The following ADAMTS2 variants were observed in gnomAD, a reference collection of about 807,000 sequenced individuals.
ADAMTS2 encodes the protein ADAM metallopeptidase with thrombospondin type 1 motif 2.
A neutral mutation model predicts 123.0 loss-of-function variants in ADAMTS2; 50 were observed. That is an observed-to-expected ratio of 0.41 (90% confidence interval 0.32 to 0.51). The LOEUF is 0.51. Ranked by LOEUF, ADAMTS2 falls within the 20% of genes least tolerant of loss-of-function variation. ADAMTS2 has a pLI of 0.35. For missense variants in ADAMTS2, 1,494 were observed against 1,705.2 expected (o/e 0.88, Z 2.18); for synonymous variants, 678 against 695.4 (o/e 0.98, Z 0.39).
In ADAMTS2 at chr5:179,128,189, G is replaced by A. The variant is rs73806908; in HGVS notation, c.2458-71C>T. ...CTTCCTCCCCAGCCAGCTTAGGAAC[G>A]GCAGCTGAGGCCGACTCCAGAGGAG... is the stretch of plus-strand genomic sequence containing the variant. On this transcript the variant is annotated intron_variant, in intron 16 of 21. Transcript: ENST00000251582. This position sits in a 1 kb window ranked among gnomAD's most constrained non-coding sequence, Gnocchi z 4.9. The A allele has an allele frequency of 1.3e-5, 21 of 1,582,292 alleles. No homozygotes were observed. Among genetic ancestry groups the A allele is most frequent in the South Asian group, 6.7e-5 (6 of 89,744 alleles).
rs1328441538 is a variant in ADAMTS2, at chr5:179,158,513, A to G, written c.1132+210T>C. ...GTGACACATTAGCGTCCCTATACAC[A>G]TAGGTCCAATTCAGGACACTGGATT... is the stretch of plus-strand genomic sequence containing the variant. On this transcript the variant is annotated intron_variant, in intron 6 of 21. Coordinates refer to ENST00000251582, the MANE Select transcript of ADAMTS2 (RefSeq NM_014244.5). The surrounding 1 kb of genome is among the most constrained non-coding windows in gnomAD (Gnocchi z 5.0). Among the ~76,000 whole-genome samples the G allele has an allele frequency of 6.6e-6, 1 of 152,136 alleles. No homozygotes were observed. Among genetic ancestry groups the G allele is most frequent in the East Asian group, 1.9e-4 (1 of 5,180 alleles).
intron 2 of ADAMTS2, among the ~76,000 whole-genome samples, chr5:179,304,920 C>T (rs1961716): frequency 0.8 from 121,524 of 152,056 alleles, 48,772 homozygotes; most frequent in Middle Eastern, 0.85. Context: ...CTGAAAACTA[C>T]AGACAAAAAA....
intron 4 of ADAMTS2, 38 bp downstream of exon 4, chr5:179,207,475 T>TCCCCCCCCCCCCCCCCCCCCCCCCC: frequency 3.4e-6 from 2 of 588,618 alleles, no homozygotes; most frequent in Non-Finnish European, 6.4e-6. Context: ...TGGTTGACCC[T>TCCCCCCCCCCCCCCCCCCCCCCCCC]CCCCGCCCCA....
chr5:179,135,871 G>A, intron 13 of ADAMTS2, 38 bp downstream of exon 13: 2 of 1,612,038 alleles, frequency 1.2e-6, no homozygotes, highest in Admixed American at 1.7e-5. Context: ...GCTGAGACTT[G>A]ACACGGTAGC....
In ADAMTS2 at chr5:179,207,395, G is replaced by A. The variant is rs189164528; in HGVS notation, c.891+118C>T. On this transcript the variant is annotated intron_variant, in intron 4 of 21. Coordinates refer to ENST00000251582, the MANE Select transcript of ADAMTS2 (RefSeq NM_014244.5). The stretch of plus-strand genomic sequence containing the variant: ...CCCTGAGACTGTGTCACTCACCTCC[G>A]GCTAACAAGGAAATCGGCAGAGCCT... The A allele has an allele frequency of 1.9e-3, 2,050 of 1,102,640 alleles. 7 individuals carry two copies. Among genetic ancestry groups the A allele is most frequent in the South Asian group, 2.2e-3 (158 of 73,306 alleles). The allele number at this position is 1,102,640 out of a possible 1,614,324, so 68.3% of individuals were successfully genotyped here.
At chr5:179,237,052 C>T (rs930261651) in intron 3 of ADAMTS2, among the ~76,000 whole-genome samples, 10 of 152,056 alleles carry the variant, frequency 6.6e-5, no homozygotes, top group Non-Finnish European at 1.3e-4. Flanking sequence ...CACAGAAGTA[C>T]AAGACCAGCT....
At chr5:179,247,891 T>C (rs1765840557) in intron 3 of ADAMTS2, among the ~76,000 whole-genome samples, 1 of 152,096 alleles carries the variant, frequency 6.6e-6, no homozygotes, top group African/African-American at 2.4e-5. Context: ...GTCCTTCAGG[T>C]TGAAATAAAA....
chr5:179,169,391 G>A (rs1474316437), intron 5 of ADAMTS2, among the ~76,000 whole-genome samples: 1 of 152,200 alleles, frequency 6.6e-6, no homozygotes, highest in East Asian at 1.9e-4. Flanking sequence ...TCAGTCTAAG[G>A]TATTTCTGTT....
intron 3 of ADAMTS2, among the ~76,000 whole-genome samples, chr5:179,238,878 A>G (rs988162078): frequency 2.0e-5 from 3 of 152,252 alleles, no homozygotes; most frequent in South Asian, 4.1e-4. Context: ...GGACCGCCCC[A>G]GGACCCTTCC....
chr5:179,266,334 T>G (rs534109785), intron 3 of ADAMTS2, among the ~76,000 whole-genome samples: 1 of 152,178 alleles, frequency 6.6e-6, no homozygotes, highest in Non-Finnish European at 1.5e-5. Flanking sequence ...GAAAGTAACC[T>G]GGATGGTCCC....
At chr5:179,292,268 T>C (rs1282735429) in intron 2 of ADAMTS2, among the ~76,000 whole-genome samples, 1 of 151,446 alleles carries the variant, frequency 6.6e-6, no homozygotes, top group African/African-American at 2.4e-5. Flanking sequence ...GGCAAGAAGA[T>C]ATACAGCATC....
At chr5:179,331,085 C>T (rs1757464495) in intron 2 of ADAMTS2, among the ~76,000 whole-genome samples, 2 of 151,798 alleles carry the variant, frequency 1.3e-5, no homozygotes, top group African/African-American at 2.4e-5. Context: ...CCCTGATTTC[C>T]TCCCAGCACA....
chr5:179,156,929 T>C (rs1416629831), intron 6 of ADAMTS2, among the ~76,000 whole-genome samples: 1 of 151,906 alleles, frequency 6.6e-6, no homozygotes, highest in Non-Finnish European at 1.5e-5. Flanking sequence ...TTTTAAAATA[T>C]CTGGTAACCC....
rs909821052 is a variant in ADAMTS2 at position 179,272,687 on chromosome 5, C to T, written c.688+224G>A. On this transcript the variant is annotated intron_variant, in intron 3 of 21. Transcript: ENST00000251582. This position sits in a 1 kb window ranked among gnomAD's most constrained non-coding sequence, Gnocchi z 5.8. ...CATGAAGGCAGAGGTGTCTGGGCTG[C>T]TTGTCACCCACATGCACCCAGAACA... 1.3e-5 allele frequency among the ~76,000 whole-genome samples: 2 copies of T among 152,192 alleles called. No individual in the cohort carries two copies. The highest frequency in any genetic ancestry group is 1.9e-4 in the East Asian group (1 of 5,176).
intron 2 of ADAMTS2, among the ~76,000 whole-genome samples, chr5:179,325,177 C>T (rs1757280309): frequency 6.6e-6 from 1 of 152,160 alleles, no homozygotes; most frequent in Non-Finnish European, 1.5e-5. Flanking sequence ...GTCCCAGGCC[C>T]ACAGGATGAA....
intron 3 of ADAMTS2, among the ~76,000 whole-genome samples, chr5:179,231,097 C>T (rs1109180): frequency 1.2e-4 from 18 of 152,018 alleles, no homozygotes; most frequent in Non-Finnish European, 2.1e-4. Flanking sequence ...TGTAATGGTA[C>T]GCAGACCCCC....
intron 2 of ADAMTS2, among the ~76,000 whole-genome samples, chr5:179,275,497 T>C (rs1766670204): frequency 6.6e-6 from 1 of 152,146 alleles, no homozygotes; most frequent in Non-Finnish European, 1.5e-5. Context: ...TGTGATCAGG[T>C]CAGCTCTGGG....
chr5:179,321,026 CTAGA>C (rs1241650428), intron 2 of ADAMTS2, among the ~76,000 whole-genome samples: 1 of 152,144 alleles, frequency 6.6e-6, no homozygotes, highest in Non-Finnish European at 1.5e-5. Context: ...ACACCTGAAG[CTAGA>C]TAGTTCTAGA....
chr5:179,198,639 G>A (rs1764486426), intron 4 of ADAMTS2, among the ~76,000 whole-genome samples: 1 of 152,140 alleles, frequency 6.6e-6, no homozygotes, highest in Non-Finnish European at 1.5e-5. Context: ...TTCTAGACCA[G>A]CCTGGCCAAC....
Sources: allele counts gnomAD v4.1 joint callset (sites outside exome capture counted in the v4.1 genomes callset), GRCh38; gene constraint gnomAD v4.1.1; non-coding constraint Gnocchi (gnomAD v3.1); transcripts MANE v1.5; gene names NCBI Gene and HGNC (gene_info 2026-07-23, HGNC 2026-07-21).